Variants in ELMO1 observed in about 807,000 individuals in gnomAD.
ELMO1 encodes engulfment and cell motility 1, also known as engulfment and cell motility protein 1.
A neutral mutation model predicts 98.9 loss-of-function variants in ELMO1; 26 were observed. That is an observed-to-expected ratio of 0.26 (90% CI 0.19 to 0.36). The LOEUF (loss-of-function observed/expected upper bound fraction) is 0.36, where lower values mean the gene tolerates loss of function less well. Ranked by LOEUF, ELMO1 falls within the 10% of genes least tolerant of loss-of-function variation. The probability of loss-of-function intolerance (pLI) is 1.00; values close to 1 mark genes in which losing one functional copy is unlikely to be tolerated. For synonymous variants in ELMO1, 346 were observed against 346.0 expected (o/e 1.00, Z 0.00); for missense variants, 627 against 935.2 (o/e 0.67, Z 4.30).
At chr7:36,900,089 C>A (rs56006684) in intron 16 of ELMO1, among the ~76,000 whole-genome samples, 21,495 of 152,192 alleles carry the variant, frequency 0.14, 1,621 homozygotes, top group Middle Eastern at 0.2. Flanking sequence ...CACCCTAGAT[C>A]TACTGAATCA....
At chr7:37,121,477 T>A (rs546959454) in intron 14 of ELMO1, among the ~76,000 whole-genome samples, 2 of 152,044 alleles carry the variant, frequency 1.3e-5, no homozygotes, top group Non-Finnish European at 2.9e-5. Context: ...ACATGATAAA[T>A]GCACAAGCTT....
At chr7:37,091,927 C>T (rs547155035) in intron 15 of ELMO1, among the ~76,000 whole-genome samples, 212 of 152,210 alleles carry the variant, frequency 1.4e-3, no homozygotes, top group Non-Finnish European at 2.3e-3. Context: ...ACCACACTTA[C>T]GATTTGATTA....
chr7:37,362,821 G>T (rs1029009489), intron 1 of ELMO1, among the ~76,000 whole-genome samples: 4 of 152,186 alleles, frequency 2.6e-5, no homozygotes, highest in African/African-American at 9.7e-5. Context: ...CTAGGGGACT[G>T]CACTTCTAGC....
intron 1 of ELMO1, among the ~76,000 whole-genome samples, chr7:37,403,737 G>C (rs780888492): frequency 1.8e-4 from 28 of 151,850 alleles, no homozygotes; most frequent in Non-Finnish European, 4.0e-4. Context: ...TAGAGATGGG[G>C]GTCTCACTAT....
At chr7:37,020,904 T>C (rs1794228800) in intron 15 of ELMO1, among the ~76,000 whole-genome samples, 1 of 152,210 alleles carries the variant, frequency 6.6e-6, no homozygotes, top group Non-Finnish European at 1.5e-5. Flanking sequence ...GTTAGAGCAG[T>C]CATTAAAATC....
rs181942320 is a variant in ELMO1 at position 36,900,494 on chromosome 7, G to T, written c.1438-5477C>A. The stretch of plus-strand genomic sequence containing the variant: ...GCAGAATTATGAGTCTGCCAACAAG[G>T]TTTATAAAGCACACTTTCACAAAGC... On this transcript the variant is annotated intron_variant, in intron 16 of 21. Coordinates refer to ENST00000310758, the MANE Select transcript of ELMO1 (RefSeq NM_014800.11). Among the ~76,000 whole-genome samples the T allele has an allele frequency of 3.9e-5, 6 of 152,282 alleles. No homozygotes were observed. In the East Asian group the frequency reaches 1.2e-3, roughly 29 times the overall value.
chr7:37,402,553 A>ATTTCT (rs1326470816), intron 1 of ELMO1, among the ~76,000 whole-genome samples: 1 of 152,190 alleles, frequency 6.6e-6, no homozygotes, highest in Non-Finnish European at 1.5e-5. Flanking sequence ...TATGAGCAGA[A>ATTTCT]GACAGAAAGC....
chr7:37,154,537 G>A lies in ELMO1; in HGVS notation c.1087-21303C>T, dbSNP rs1234136384. 7.9e-5 allele frequency among the ~76,000 whole-genome samples: 12 copies of A among 152,164 alleles called. 1 individual carries two copies. In the South Asian group the frequency reaches 1.7e-3, roughly 21 times the overall value. The stretch of plus-strand genomic sequence containing the variant: ...GAAGCATACACAAGCTTCAATAGCC[G>A]ATTTGATCAAGCGCAAGAAAGGATA... On this transcript the variant is annotated intron_variant, in intron 13 of 21. Coordinates refer to ENST00000310758, the MANE Select transcript of ELMO1 (RefSeq NM_014800.11).
At chr7:37,093,079 G>A (rs1015836521) in intron 15 of ELMO1, among the ~76,000 whole-genome samples, 15 of 151,998 alleles carry the variant, frequency 9.9e-5, no homozygotes, top group Non-Finnish European at 2.1e-4. Context: ...TTGACAAAGT[G>A]CTCTGAGAAT....
At chr7:37,080,143 G>A (rs1562987408) in intron 15 of ELMO1, among the ~76,000 whole-genome samples, 1 of 151,928 alleles carries the variant, frequency 6.6e-6, no homozygotes, top group African/African-American at 2.4e-5. Context: ...AATCCTGTTG[G>A]CTCTACCTTT....
rs912497621 is a variant in ELMO1 at position 36,853,052 on chromosome 7, T to C, written c.*2499A>G. 1.3e-5 allele frequency among the ~76,000 whole-genome samples: 2 copies of C among 152,028 alleles called. No individual in the cohort carries two copies. The highest frequency in any genetic ancestry group is 1.3e-4 in the Admixed American group (2 of 15,256). On this transcript the variant is annotated 3_prime_UTR_variant, in exon 22 of 22. Coordinates refer to ENST00000310758, the MANE Select transcript of ELMO1 (RefSeq NM_014800.11). ...TTAGGAAACTGCAGGCAACAGGAGATGAGTTGGAGGTGGTAGGCTCATTGC... is the reference window on the plus strand; with the variant it reads ...TTAGGAAACTGCAGGCAACAGGAGACGAGTTGGAGGTGGTAGGCTCATTGC...
chr7:37,215,652 T>G (rs1369114007), intron 11 of ELMO1, among the ~76,000 whole-genome samples: 1 of 152,228 alleles, frequency 6.6e-6, no homozygotes, highest in Admixed American at 6.5e-5. Context: ...TAGCCAATCC[T>G]AAACCTGCTC....
At chr7:37,144,550 T>C (rs555595641) in intron 13 of ELMO1, among the ~76,000 whole-genome samples, 3 of 152,346 alleles carry the variant, frequency 2.0e-5, no homozygotes, top group South Asian at 2.1e-4. Context: ...GGGGCTTTGA[T>C]AAATGGCTTG....
At chr7:37,103,447 C>T (rs1784749839) in intron 14 of ELMO1, among the ~76,000 whole-genome samples, 1 of 143,308 alleles carries the variant, frequency 7.0e-6, no homozygotes, top group Non-Finnish European at 1.5e-5. Context: ...CATGTTCTCA[C>T]TCATAGGTGG....
At chr7:37,167,694 C>G (rs1269187993) in intron 13 of ELMO1, among the ~76,000 whole-genome samples, 1 of 152,212 alleles carries the variant, frequency 6.6e-6, no homozygotes, top group African/African-American at 2.4e-5. Context: ...TGTAGAGTTT[C>G]TGCCGAGAGA....
At chr7:36,909,235 A>C (rs1784176941) in intron 16 of ELMO1, among the ~76,000 whole-genome samples, 1 of 152,226 alleles carries the variant, frequency 6.6e-6, no homozygotes, top group Admixed American at 6.5e-5. Flanking sequence ...GTAAGTAAGC[A>C]CTCAAGTAGT....
At position 37,259,360 on chromosome 7, in the gene ELMO1, C is replaced by T. The variant is rs1224921715; in HGVS notation, c.244-10G>A. 1.2e-6 allele frequency: 2 copies of T among 1,611,050 alleles called. No homozygotes were observed. Among genetic ancestry groups the T allele is most frequent in the African/African-American group, 2.7e-5 (2 of 74,782 alleles). On this transcript the variant is annotated splice_polypyrimidine_tract_variant and intron_variant, in intron 5 of 21. Coordinates refer to ENST00000310758, the MANE Select transcript of ELMO1 (RefSeq NM_014800.11). ...GCTGGGCGTTCTGAGCCTTATGGGG[C>T]AAAAGCAAAGGGAAGAGTGTTGACA...
chr7:37,445,798 G>T (rs910646662), intron 1 of ELMO1, among the ~76,000 whole-genome samples: 4 of 152,100 alleles, frequency 2.6e-5, no homozygotes, highest in African/African-American at 9.7e-5. Flanking sequence ...CTTCCATATT[G>T]TAGGAGAGCA....
intron 14 of ELMO1, among the ~76,000 whole-genome samples, chr7:37,105,311 C>CTA (rs1306019415): frequency 1.3e-5 from 2 of 152,202 alleles, no homozygotes; most frequent in East Asian, 1.9e-4. Context: ...GCTCTGCTGA[C>CTA]TATTCAAAGG....
Sources: allele counts gnomAD v4.1 joint callset (sites outside exome capture counted in the v4.1 genomes callset), GRCh38; gene constraint gnomAD v4.1.1; transcripts MANE v1.5; gene names NCBI Gene and HGNC (gene_info 2026-07-23, HGNC 2026-07-21).